Variants in PCGF6 observed in about 807,000 individuals in gnomAD.
The protein encoded by PCGF6 is polycomb group RING finger protein 6.
PCGF6 carries 24 observed loss-of-function variants against 45.5 expected under a neutral mutation model. The ratio of observed to expected loss-of-function variants is 0.53; its 90% CI spans 0.38 to 0.74. PCGF6 has a LOEUF of 0.74. Among genes scored for constraint, PCGF6 ranks in the 30% least tolerant of loss-of-function variants. The pLI is 0.00. For missense variants in PCGF6, 356 were observed against 443.2 expected, an observed-to-expected ratio of 0.80 and a Z score of 1.77; for synonymous variants, 152 against 162.1, an observed-to-expected ratio of 0.94 and a Z score of 0.47.
intron 8 of PCGF6, among the ~76,000 whole-genome samples, chr10:103,319,840 T>C (rs895053506): frequency 7.2e-5 from 11 of 152,234 alleles, no homozygotes; most frequent in African/African-American, 2.6e-4. Context: ...GGAGTCTTGC[T>C]CTGTCGCCAG....
chr10:103,339,061 C>CA, intron 6 of PCGF6, among the ~76,000 whole-genome samples: 1 of 152,222 alleles, frequency 6.6e-6, no homozygotes, highest in East Asian at 1.9e-4. Context: ...GTCATGAAAA[C>CA]AGTTTCCTAC....
intron 8 of PCGF6, among the ~76,000 whole-genome samples, chr10:103,319,875 G>A (rs754279114): frequency 6.6e-5 from 10 of 151,974 alleles, no homozygotes; most frequent in Non-Finnish European, 1.3e-4. Flanking sequence ...GTGCGATCTC[G>A]GCTCACCGCA....
chr10:103,328,523 A>T (rs1033291579), intron 7 of PCGF6, among the ~76,000 whole-genome samples: 2 of 152,146 alleles, frequency 1.3e-5, no homozygotes, highest in Admixed American at 6.6e-5. Context: ...GCCATTTTCT[A>T]ATAGTGAGTC....
intron 1 of PCGF6, 53 bp from the exon 2 acceptor site, chr10:103,349,052 T>TC: frequency 6.8e-7 from 1 of 1,479,020 alleles, no homozygotes; most frequent in South Asian, 1.2e-5. Flanking sequence ...TTTTACAAAT[T>TC]CTTTTTTTTT....
At position 103,324,130 on chromosome 10, in the gene PCGF6, G is replaced by T. The variant is rs576027276; in HGVS notation, c.909+2404C>A. ...ATTTTTCATTTTTTAGTAGAGACAG[G>T]GTTTCACCGTGTTGGCCAGGCTGGT... On this transcript the variant is annotated intron_variant, in intron 8 of 9. Coordinates refer to ENST00000369847, the MANE Select transcript of PCGF6 (RefSeq NM_001011663.2). Among the ~76,000 whole-genome samples the T allele has an allele frequency of 2.7e-5, 4 of 150,550 alleles. No homozygotes were observed. In the East Asian group the frequency reaches 7.9e-4, roughly 30 times the overall value.
intron 6 of PCGF6, among the ~76,000 whole-genome samples, chr10:103,339,810 A>ACACACAC (rs1554865095): frequency 6.2e-5 from 2 of 32,226 alleles, no homozygotes; most frequent in Non-Finnish European, 1.4e-4. Flanking sequence ...TCAAAAAAAA[A>ACACACAC]ACACACACAC....
At chr10:103,349,372 T>C (rs1449914617) in intron 1 of PCGF6, among the ~76,000 whole-genome samples, 3 of 151,308 alleles carry the variant, frequency 2.0e-5, no homozygotes, top group African/African-American at 7.3e-5. Context: ...CCTTAAACCA[T>C]AATCTCAAAA....
At chr10:103,349,939 G>A (rs1384472770) in intron 1 of PCGF6, among the ~76,000 whole-genome samples, 3 of 151,678 alleles carry the variant, frequency 2.0e-5, no homozygotes, top group African/African-American at 4.8e-5. Context: ...AAAATAAGCC[G>A]GGCGTGGTGG....
chr10:103,308,450 G>C (rs1357901534), intron 9 of PCGF6, among the ~76,000 whole-genome samples: 1 of 151,570 alleles, frequency 6.6e-6, no homozygotes. Flanking sequence ...CCAGGCTGGA[G>C]TGCAGTGGTG....
At chr10:103,333,992 T>TA (rs773699775) in intron 6 of PCGF6, 40 bp from the exon 7 acceptor site, 1 of 1,344,066 alleles carries the variant, frequency 7.4e-7, no homozygotes, top group Non-Finnish European at 1.0e-6. Context: ...TTTAATACTT[T>TA]AAGCTATATG....
intron 6 of PCGF6, among the ~76,000 whole-genome samples, chr10:103,340,198 A>AATATAT (rs1191965991): frequency 1.1e-4 from 10 of 87,888 alleles, no homozygotes; most frequent in South Asian, 3.7e-4. Flanking sequence ...AAAAAAAAAA[A>AATATAT]ATATATATAT....
rs563662395 is a variant in PCGF6, at chr10:103,335,645, G to A, written c.783-1693C>T. Reference sequence around the variant, plus strand: ...CAAAGTGCTAGGATTACAGGAGTGAGCCACGGTGCCCAGCAAAGTACTCTT... The same window carrying A: ...CAAAGTGCTAGGATTACAGGAGTGAACCACGGTGCCCAGCAAAGTACTCTT... On this transcript the variant is annotated intron_variant, in intron 6 of 9. Transcript: ENST00000369847. Among the ~76,000 whole-genome samples, 11 of 151,736 alleles carry A rather than the reference G, an allele frequency of 7.2e-5. No individual in the cohort carries two copies. The South Asian group carries it at 2.1e-3, about 29-fold the overall frequency.
chr10:103,325,314 C>A (rs1040813254), intron 8 of PCGF6, among the ~76,000 whole-genome samples: 1 of 152,016 alleles, frequency 6.6e-6, no homozygotes, highest in Non-Finnish European at 1.5e-5. Flanking sequence ...AGTGCAGTAG[C>A]GCAATCTTGG....
At chr10:103,346,739 G>A (rs951296742) in intron 5 of PCGF6, among the ~76,000 whole-genome samples, 3 of 152,178 alleles carry the variant, frequency 2.0e-5, no homozygotes, top group Non-Finnish European at 2.9e-5. Context: ...AGGTTGCGGT[G>A]AGCTGAGATC....
intron 8 of PCGF6, among the ~76,000 whole-genome samples, chr10:103,319,689 T>C (rs567384878): frequency 7.2e-5 from 11 of 152,296 alleles, no homozygotes; most frequent in Non-Finnish European, 1.2e-4. Context: ...ACATAGACCC[T>C]CAATTTAGTA....
At chr10:103,335,583 G>A (rs532142750) in intron 6 of PCGF6, among the ~76,000 whole-genome samples, 135 of 152,042 alleles carry the variant, frequency 8.9e-4, no homozygotes, top group African/African-American at 2.8e-3. Context: ...GGATGGCCTC[G>A]ATCTCTTGAT....
chr10:103,339,801 C>CAAA (rs200037917), intron 6 of PCGF6, among the ~76,000 whole-genome samples: 591 of 26,934 alleles, frequency 0.022, 44 homozygotes, highest in Non-Finnish European at 0.033. Context: ...CTGTCTGTCT[C>CAAA]AAAAAAAAAA....
chr10:103,340,190 AAAAAAAAAAT>A (rs1434551392), intron 6 of PCGF6, among the ~76,000 whole-genome samples: 31 of 104,288 alleles, frequency 3.0e-4, no homozygotes, highest in African/African-American at 2.9e-4. Context: ...GAAAAAAAAA[AAAAAAAAAAT>A]ATATATATAT....
intron 7 of PCGF6, among the ~76,000 whole-genome samples, chr10:103,329,103 A>C (rs1442022288): frequency 6.8e-6 from 1 of 147,558 alleles, no homozygotes; most frequent in Non-Finnish European, 1.5e-5. Flanking sequence ...GCAGTGGCAC[A>C]ATCTCGGCTC....
Sources: allele counts gnomAD v4.1 joint callset (sites outside exome capture counted in the v4.1 genomes callset), GRCh38; gene constraint gnomAD v4.1.1; transcripts MANE v1.5; gene names NCBI Gene and HGNC (gene_info 2026-07-23, HGNC 2026-07-21).